BTD: variants seen among roughly 807,000 people sequenced by gnomAD.
The protein encoded by BTD is biotinidase.
Under a neutral mutation model 17.7 loss-of-function variants are expected in BTD, and 13 were observed. The ratio of observed to expected loss-of-function variants is 0.74; its 90% CI spans 0.48 to 1.17. The LOEUF (loss-of-function observed/expected upper bound fraction) is 1.17. Ranked by LOEUF, BTD falls within the 50% of genes most tolerant of loss-of-function variation. The pLI, the probability that BTD is intolerant of heterozygous loss-of-function variation, is 0.00. For synonymous variants in BTD, 240 were observed against 245.2 expected, an observed-to-expected ratio of 0.98 and a Z score of 0.20; for missense variants, 674 against 650.4, an observed-to-expected ratio of 1.04 and a Z score of -0.39.
At chr3:15,715,234 G>T (rs942741379), downstream of BTD, among the ~76,000 whole-genome samples, 7 of 152,086 alleles carry the variant, frequency 4.6e-5, no homozygotes, top group Non-Finnish European at 1.0e-4. Context: ...TTCTGATTAG[G>T]TAGTGTCTTT....
In BTD at chr3:15,650,050, G is replaced by A. The variant is rs1250296161; in HGVS notation, c.*4562G>A. ...TGCATCTTTATCGTGACTCCACGGA[G>A]ACCCACCCTCTAAGACCAGAGCCAG... is the stretch of plus-strand genomic sequence containing the variant. On this transcript the variant is annotated 3_prime_UTR_variant, in exon 4 of 4. Transcript: ENST00000643237. 6.6e-6 allele frequency among the ~76,000 whole-genome samples: 1 copy of A among 152,208 alleles called. No individual in the cohort carries two copies. The highest frequency in any genetic ancestry group is 1.5e-5 in the Non-Finnish European group (1 of 68,034).
intron 3 of BTD, among the ~76,000 whole-genome samples, chr3:15,704,282 A>G (rs1460117883): frequency 6.6e-6 from 1 of 152,108 alleles, no homozygotes; most frequent in Non-Finnish European, 1.5e-5. Flanking sequence ...GGTAACAAGC[A>G]GAATGACTAG....
rs869569 is a variant in BTD, at chr3:15,649,516, G to T, written c.*4028G>T. On this transcript the variant is annotated 3_prime_UTR_variant, in exon 4 of 4. Transcript: ENST00000643237. ...CGTTTCTCACCTCCCAACAGTTGCT[G>T]TTCCTCAGGCCAAAGTTCACATTCT... 0.1 allele frequency among the ~76,000 whole-genome samples: 15,839 copies of T among 152,232 alleles called. 1,119 individuals are homozygous for T. The highest frequency in any genetic ancestry group is 0.4 in the East Asian group (2,044 of 5,160).
At chr3:15,662,220 A>G (rs960670917) in intron 3 of BTD, among the ~76,000 whole-genome samples, 4 of 152,364 alleles carry the variant, frequency 2.6e-5, no homozygotes, top group Admixed American at 2.6e-4. Flanking sequence ...AAGAACTGAC[A>G]TCTTAAAAAT....
intron 3 of BTD, among the ~76,000 whole-genome samples, chr3:15,687,777 C>T (rs1209023551): frequency 6.6e-6 from 1 of 152,178 alleles, no homozygotes; most frequent in Non-Finnish European, 1.5e-5. Context: ...GGTCGTAACA[C>T]TTGGGGATGT....
intron 3 of BTD, chr3:15,685,483 T>C (rs776433430): frequency 1.3e-6 from 2 of 1,591,318 alleles, no homozygotes; most frequent in Non-Finnish European, 1.7e-6. Context: ...AAACATATTA[T>C]GCTAAACATT....
chr3:15,711,162 C>T, exon 4 of BTD: 1 of 1,439,456 alleles, frequency 6.9e-7, no homozygotes. Flanking sequence ...AGAAAACCTG[C>T]CATGACCAGC....
At chr3:15,615,229 C>T (rs1390553814) in intron 1 of BTD, among the ~76,000 whole-genome samples, 2 of 152,138 alleles carry the variant, frequency 1.3e-5, no homozygotes, top group African/African-American at 4.8e-5. Context: ...TTACCTGGGT[C>T]ATGTATGTTG....
chr3:15,601,445 C>T (rs547065312), upstream of BTD: 1 of 1,613,634 alleles, frequency 6.2e-7, no homozygotes, highest in Non-Finnish European at 8.5e-7. Flanking sequence ...CTGCGCTCTG[C>T]GAAGTTACTG....
chr3:15,620,114 G>A (rs575974683), intron 1 of BTD, among the ~76,000 whole-genome samples: 126 of 152,302 alleles, frequency 8.3e-4, no homozygotes, highest in African/African-American at 2.8e-3. Flanking sequence ...AATGGTCTAT[G>A]TTCAGCGGTG....
chr3:15,714,634 A>G, downstream of BTD: 2 of 1,597,490 alleles, frequency 1.3e-6, no homozygotes, highest in Admixed American at 1.8e-5. Context: ...AGTCATGTGT[A>G]GTGGGGTTTT....
rs571763538 is a variant in BTD at position 15,635,818 on chromosome 3, T to C, written c.249+130T>C. ...AAAGCATCCAGGTAGTTAACCTGAG[T>C]TGAGTTAGTCAGTTGAATTAGGAGC... On this transcript the variant is annotated intron_variant, in intron 2 of 3. Transcript: ENST00000643237. The surrounding 1 kb of genome is among the most constrained non-coding windows in gnomAD (Gnocchi z 4.1). The C allele has an allele frequency of 8.6e-5, 115 of 1,336,414 alleles. No individual in the cohort carries two copies. In the East Asian group the frequency reaches 2.5e-3, roughly 29 times the overall value. The allele number at this position is 1,336,414 out of a possible 1,614,324, so 82.8% of individuals were successfully genotyped here.
intron 1 of BTD, among the ~76,000 whole-genome samples, chr3:15,630,320 TC>T (rs2065174911): frequency 1.3e-5 from 2 of 152,202 alleles, no homozygotes; most frequent in Non-Finnish European, 2.9e-5. Context: ...TTAATGATAC[TC>T]AGTTTGTCCA....
chr3:15,677,642 A>C, intron 3 of BTD: 1 of 1,089,814 alleles, frequency 9.2e-7, no homozygotes, highest in Non-Finnish European at 1.3e-6. Flanking sequence ...AGAGAAATGA[A>C]GATACAAAGC....
intron 3 of BTD, among the ~76,000 whole-genome samples, chr3:15,666,388 C>T (rs1314615058): frequency 9.4e-6 from 1 of 106,730 alleles, no homozygotes; most frequent in African/African-American, 3.9e-5. Flanking sequence ...TGACCTTGGG[C>T]AAACACTACT....
downstream of BTD, among the ~76,000 whole-genome samples, chr3:15,655,891 G>T (rs1028797825): frequency 6.6e-6 from 1 of 151,988 alleles, no homozygotes; most frequent in Non-Finnish European, 1.5e-5. Context: ...CAACCTCTGC[G>T]TCCCGGGTTC....
chr3:15,626,017 CTTT>C (rs1034198670), intron 1 of BTD, among the ~76,000 whole-genome samples: 3 of 152,138 alleles, frequency 2.0e-5, no homozygotes, highest in Admixed American at 6.5e-5. Context: ...TCTGTTTCTT[CTTT>C]TATTTCAACT....
chr3:15,605,235 T>C (rs925784704), intron 1 of BTD, among the ~76,000 whole-genome samples: 1 of 152,170 alleles, frequency 6.6e-6, no homozygotes, highest in Non-Finnish European at 1.5e-5. Flanking sequence ...GTCACAATCA[T>C]GGTGGAAGAT....
intron 1 of BTD, among the ~76,000 whole-genome samples, chr3:15,608,980 A>G (rs1475494310): frequency 6.6e-6 from 1 of 152,156 alleles, no homozygotes; most frequent in Non-Finnish European, 1.5e-5. Flanking sequence ...TTGTTTTGAT[A>G]ATAATCTATT....
Sources: allele counts gnomAD v4.1 joint callset (sites outside exome capture counted in the v4.1 genomes callset), GRCh38; gene constraint gnomAD v4.1.1; non-coding constraint Gnocchi (gnomAD v3.1); transcripts MANE v1.5; gene names NCBI Gene and HGNC (gene_info 2026-07-23, HGNC 2026-07-21).